MKLN1: variants seen among roughly 807,000 people sequenced by gnomAD.
The protein encoded by MKLN1 is muskelin 1, also known as muskelin.
Under a neutral mutation model 99.0 loss-of-function variants are expected in MKLN1, and 18 were observed. The ratio of observed to expected loss-of-function variants is 0.18; its 90% confidence interval spans 0.13 to 0.27. MKLN1 has a LOEUF of 0.27. MKLN1 is among the 10% of genes least tolerant of loss of function. The pLI is 1.00. For synonymous variants in MKLN1, 288 were observed against 293.2 expected, an observed-to-expected ratio of 0.98 and a Z score of 0.18; for missense variants, 621 against 875.9, an observed-to-expected ratio of 0.71 and a Z score of 3.67.
At chr7:131,204,858 C>CA (rs1796784484) in intron 3 of MKLN1, among the ~76,000 whole-genome samples, 2 of 150,972 alleles carry the variant, frequency 1.3e-5, no homozygotes, top group South Asian at 4.2e-4. Flanking sequence ...GGCGTGAACT[C>CA]AGGAGGCGGA....
rs770677376 is a variant in MKLN1, at chr7:131,388,869, A to AT, written c.312-8dup. The AT allele has an allele frequency of 2.7e-5, 42 of 1,574,094 alleles. No individual in the cohort carries two copies. Among genetic ancestry groups the AT allele is most frequent in the African/African-American group, 4.1e-5 (3 of 73,760 alleles). On this transcript the variant is annotated splice_polypyrimidine_tract_variant and intron_variant, in intron 3 of 17. Coordinates refer to ENST00000352689, the MANE Select transcript of MKLN1 (RefSeq NM_013255.5). Reference sequence around the variant, plus strand: ...TTATGAAGTCAGATTTAATAGCCTTATTTTTTTCCCACAGTGGCTTAAAGA... The same window carrying AT: ...TTATGAAGTCAGATTTAATAGCCTTATTTTTTTTCCCACAGTGGCTTAAAGA...
chr7:131,166,342 A>T (rs1208492439), intron 2 of MKLN1, among the ~76,000 whole-genome samples: 1 of 152,146 alleles, frequency 6.6e-6, no homozygotes, highest in Non-Finnish European at 1.5e-5. Flanking sequence ...CCCATTCCGA[A>T]CACACTGGCT....
chr7:131,247,494 G>A (rs1292811545), intron 3 of MKLN1, among the ~76,000 whole-genome samples: 12 of 152,084 alleles, frequency 7.9e-5, no homozygotes, highest in Non-Finnish European at 1.5e-4. Context: ...GATTACAGAC[G>A]TGAGCCACCA....
intron 3 of MKLN1, among the ~76,000 whole-genome samples, chr7:131,215,965 A>G (rs1223666062): frequency 5.9e-5 from 9 of 152,042 alleles, no homozygotes; most frequent in African/African-American, 2.2e-4. Flanking sequence ...CGCTCCCCTC[A>G]CTCCATGCAG....
At chr7:131,114,060 T>G (rs1795238230) in intron 1 of MKLN1, among the ~76,000 whole-genome samples, 2 of 151,894 alleles carry the variant, frequency 1.3e-5, no homozygotes, top group Admixed American at 6.6e-5. Context: ...AAGAAAGAAA[T>G]AATGATGCAT....
intron 1 of MKLN1, among the ~76,000 whole-genome samples, chr7:131,113,450 T>C (rs530510659): frequency 2.0e-5 from 3 of 152,246 alleles, no homozygotes; most frequent in South Asian, 2.1e-4. Context: ...CCTAAAAAGT[T>C]TGAACTTATT....
intron 1 of MKLN1, among the ~76,000 whole-genome samples, chr7:131,346,146 G>A (rs933515972): frequency 2.6e-5 from 4 of 152,118 alleles, no homozygotes; most frequent in African/African-American, 9.7e-5. Context: ...TATAAGAAGA[G>A]GCTGTTCACT....
intron 2 of MKLN1, among the ~76,000 whole-genome samples, chr7:131,196,262 G>T (rs1355883139): frequency 6.6e-6 from 1 of 152,156 alleles, no homozygotes; most frequent in African/African-American, 2.4e-5. Flanking sequence ...CAGGATGTCT[G>T]TGGAAATGTG....
chr7:131,138,182 C>A (rs955431135), intron 1 of MKLN1, among the ~76,000 whole-genome samples: 1 of 148,566 alleles, frequency 6.7e-6, no homozygotes, highest in Non-Finnish European at 1.5e-5. Flanking sequence ...ACCTCTGCCT[C>A]TGCCTCCCAA....
chr7:131,332,019 G>C (rs1258764136), intron 1 of MKLN1, among the ~76,000 whole-genome samples: 1 of 152,042 alleles, frequency 6.6e-6, no homozygotes, highest in Non-Finnish European at 1.5e-5. Context: ...ACTTAAAATA[G>C]TACCTTGTGT....
At chr7:131,365,211 A>G (rs1428602659) in intron 1 of MKLN1, among the ~76,000 whole-genome samples, 1 of 152,184 alleles carries the variant, frequency 6.6e-6, no homozygotes, top group Non-Finnish European at 1.5e-5. Flanking sequence ...ATGATCGGTG[A>G]TACTGAGATT....
intron 1 of MKLN1, among the ~76,000 whole-genome samples, chr7:131,138,902 C>T (rs1795690866): frequency 6.6e-6 from 1 of 152,178 alleles, no homozygotes; most frequent in African/African-American, 2.4e-5. Flanking sequence ...GGAATGATTA[C>T]AACTTAGAAA....
At chr7:131,328,204 G>C in intron 1 of MKLN1, 1 of 611,334 alleles carries the variant, frequency 1.6e-6, no homozygotes, top group East Asian at 2.9e-5. Context: ...CGAGCCCAGG[G>C]AGAAGGGGCG....
At chr7:131,378,482 A>G (rs927556852) in intron 2 of MKLN1, among the ~76,000 whole-genome samples, 3 of 152,180 alleles carry the variant, frequency 2.0e-5, no homozygotes, top group African/African-American at 4.8e-5. Context: ...GTAAGCTATA[A>G]TATTTCTTTC....
chr7:131,267,264 T>C (rs1425884507), intron 3 of MKLN1, among the ~76,000 whole-genome samples: 1 of 151,992 alleles, frequency 6.6e-6, no homozygotes, highest in Non-Finnish European at 1.5e-5. Context: ...ACCCTAAGGA[T>C]GGAGGTTGCG....
chr7:131,280,141 A>G (rs557662998), intron 3 of MKLN1, among the ~76,000 whole-genome samples: 46 of 152,234 alleles, frequency 3.0e-4, no homozygotes, highest in Non-Finnish European at 5.0e-4. Context: ...ATCAGTAATT[A>G]TTACTTTTTT....
At chr7:131,361,232 G>C (rs1484784428) in intron 1 of MKLN1, among the ~76,000 whole-genome samples, 1 of 151,610 alleles carries the variant, frequency 6.6e-6, no homozygotes, top group African/African-American at 2.4e-5. Flanking sequence ...TATTTCTTCT[G>C]CTCCTTTCTT....
chr7:131,359,832 C>T (rs1412925170), intron 1 of MKLN1, among the ~76,000 whole-genome samples: 1 of 152,050 alleles, frequency 6.6e-6, no homozygotes, highest in Non-Finnish European at 1.5e-5. Flanking sequence ...CTCCCAGGCT[C>T]AAGCAATTCT....
At chr7:131,350,977 C>T (rs1214173206) in intron 1 of MKLN1, among the ~76,000 whole-genome samples, 8 of 152,124 alleles carry the variant, frequency 5.3e-5, no homozygotes, top group African/African-American at 1.9e-4. Context: ...ATACCTAGTC[C>T]ATATTTAATT....
Sources: allele counts gnomAD v4.1 joint callset (sites outside exome capture counted in the v4.1 genomes callset), GRCh38; gene constraint gnomAD v4.1.1; transcripts MANE v1.5; gene names NCBI Gene and HGNC (gene_info 2026-07-23, HGNC 2026-07-21).